CSMD1: variants seen among roughly 807,000 people sequenced by gnomAD.
The protein encoded by CSMD1 is CUB and sushi domain-containing protein 1.
Under a neutral mutation model 417.5 loss-of-function variants are expected in CSMD1, and 213 were observed. That is an observed-to-expected ratio of 0.51 (90% CI 0.46 to 0.57). CSMD1 has a LOEUF of 0.57. CSMD1 is among the 20% of genes least tolerant of loss of function. The pLI is 0.00. For synonymous variants in CSMD1, 2,862 were observed against 1,736.8 expected (o/e 1.65, Z -16.11); for missense variants, 6,923 against 4,529.7 (o/e 1.53, Z -15.17).
chr8:3,431,553 G>A (rs1290556544), intron 12 of CSMD1, among the ~76,000 whole-genome samples: 3 of 151,998 alleles, frequency 2.0e-5, no homozygotes, highest in Admixed American at 2.0e-4. Flanking sequence ...TCCATCCCTT[G>A]TATGAGAGTT....
At chr8:4,496,554 C>G (rs1189381011) in intron 2 of CSMD1, among the ~76,000 whole-genome samples, 1 of 152,174 alleles carries the variant, frequency 6.6e-6, no homozygotes, top group Non-Finnish European at 1.5e-5. Context: ...CTGTTTTGAA[C>G]TTCGCCTCGC....
chr8:4,914,488 G>C (rs563771553), intron 1 of CSMD1, among the ~76,000 whole-genome samples: 8 of 151,242 alleles, frequency 5.3e-5, no homozygotes, highest in African/African-American at 1.7e-4. Flanking sequence ...TGAGGCAGGA[G>C]AATGGCGTGA....
chr8:4,165,087 G>A (rs1797377795), intron 3 of CSMD1, among the ~76,000 whole-genome samples: 2 of 152,190 alleles, frequency 1.3e-5, no homozygotes, highest in South Asian at 2.1e-4. Flanking sequence ...GTACAGATGT[G>A]TGTTTAGAGA....
intron 12 of CSMD1, among the ~76,000 whole-genome samples, chr8:3,416,625 G>T (rs888908693): frequency 6.6e-6 from 1 of 152,182 alleles, no homozygotes; most frequent in Admixed American, 6.5e-5. Context: ...GGAGCTACAT[G>T]GAAACACGTC....
At chr8:4,156,692 G>C (rs568350343) in intron 3 of CSMD1, among the ~76,000 whole-genome samples, 2 of 152,206 alleles carry the variant, frequency 1.3e-5, no homozygotes, top group South Asian at 4.2e-4. Context: ...TGTACTGTCA[G>C]GGGCCCAAGA....
At chr8:4,638,998 C>G (rs569927699) in intron 1 of CSMD1, among the ~76,000 whole-genome samples, 1 of 152,144 alleles carries the variant, frequency 6.6e-6, no homozygotes, top group Admixed American at 6.5e-5. Context: ...AAGAACCAAG[C>G]GCTGAAAGAA....
At chr8:3,097,778 G>A (rs953445974) in intron 46 of CSMD1, among the ~76,000 whole-genome samples, 2 of 152,162 alleles carry the variant, frequency 1.3e-5, no homozygotes, top group Admixed American at 6.5e-5. Flanking sequence ...GGGAACTACT[G>A]TACTTAGCAT....
intron 1 of CSMD1, among the ~76,000 whole-genome samples, chr8:4,951,665 T>A (rs1199316631): frequency 6.6e-6 from 1 of 151,920 alleles, no homozygotes; most frequent in Non-Finnish European, 1.5e-5. Flanking sequence ...CTGGATTTCC[T>A]ACTTTTAGTA....
intron 1 of CSMD1, among the ~76,000 whole-genome samples, chr8:4,684,517 C>G (rs1160777787): frequency 6.6e-6 from 1 of 152,106 alleles, no homozygotes; most frequent in Non-Finnish European, 1.5e-5. Context: ...TCAAATAAAT[C>G]TCTGTTTTCA....
In CSMD1 at chr8:4,254,988, T is replaced by C. The variant is rs375239280; in HGVS notation, c.415+164965A>G. Among the ~76,000 whole-genome samples the C allele has an allele frequency of 3.0e-4, 45 of 152,276 alleles. No individual in the cohort carries two copies. The South Asian group carries it at 8.7e-3, about 29-fold the overall frequency. On this transcript the variant is annotated intron_variant, in intron 3 of 69. Coordinates refer to ENST00000635120, the MANE Select transcript of CSMD1 (RefSeq NM_033225.6). ...CCATCGACTTTAACAGAGCACTAAA[T>C]CCAGAAGATCACTCAGAGTTATTTT...
At chr8:3,809,208 A>C (rs186178895) in intron 5 of CSMD1, among the ~76,000 whole-genome samples, 1 of 152,132 alleles carries the variant, frequency 6.6e-6, no homozygotes, top group Non-Finnish European at 1.5e-5. Flanking sequence ...CTCACCCATC[A>C]GGTCTCCAGT....
intron 51 of CSMD1, among the ~76,000 whole-genome samples, chr8:3,028,495 A>C (rs145625004): frequency 6.6e-6 from 1 of 152,198 alleles, no homozygotes; most frequent in East Asian, 1.9e-4. Context: ...AGAAACGGGG[A>C]CCATGTTCAT....
intron 3 of CSMD1, among the ~76,000 whole-genome samples, chr8:4,336,253 T>C (rs987606356): frequency 2.6e-4 from 39 of 152,280 alleles, no homozygotes; most frequent in African/African-American, 9.1e-4. Context: ...AAGGTCTTGC[T>C]CGTCCAAAAA....
chr8:4,085,734 A>G (rs1286222833), intron 3 of CSMD1, among the ~76,000 whole-genome samples: 1 of 152,204 alleles, frequency 6.6e-6, no homozygotes, highest in African/African-American at 2.4e-5. Flanking sequence ...ATGACCTAAT[A>G]GTAAAAATGG....
chr8:3,546,430 G>A (rs761005977), intron 10 of CSMD1, among the ~76,000 whole-genome samples: 1 of 151,942 alleles, frequency 6.6e-6, no homozygotes, highest in Non-Finnish European at 1.5e-5. Flanking sequence ...CAGCTACTTG[G>A]GAGGCTGAGG....
At chr8:4,326,719 C>G (rs889673630) in intron 3 of CSMD1, among the ~76,000 whole-genome samples, 2 of 151,880 alleles carry the variant, frequency 1.3e-5, no homozygotes, top group Non-Finnish European at 2.9e-5. Context: ...TGGGTAACAC[C>G]AAATGGGGAC....
At chr8:4,696,906 G>A (rs1303900936) in intron 1 of CSMD1, among the ~76,000 whole-genome samples, 1 of 152,228 alleles carries the variant, frequency 6.6e-6, no homozygotes, top group Non-Finnish European at 1.5e-5. Flanking sequence ...AGGTTCAGTG[G>A]CTCATTCCTG....
chr8:4,367,991 C>T (rs1392183108), intron 3 of CSMD1, among the ~76,000 whole-genome samples: 4 of 151,914 alleles, frequency 2.6e-5, no homozygotes, highest in African/African-American at 9.7e-5. Flanking sequence ...GTTACATTGT[C>T]AGTGAAGTGA....
intron 3 of CSMD1, among the ~76,000 whole-genome samples, chr8:4,196,576 C>T (rs1585003258): frequency 1.3e-5 from 2 of 152,126 alleles, no homozygotes; most frequent in African/African-American, 4.8e-5. Context: ...CAAAAGACTA[C>T]CACATTCTCT....
Sources: gnomAD v4.1 joint callset for allele counts (sites outside exome capture counted in the v4.1 genomes callset) on GRCh38, gnomAD v4.1.1 for gene constraint, MANE v1.5 for transcripts, NCBI Gene and HGNC (gene_info 2026-07-23, HGNC 2026-07-21) for gene names.